The following UNC13A variants were observed in gnomAD, a reference collection of about 807,000 sequenced individuals.
The protein encoded by UNC13A is unc-13 homolog A.
In UNC13A, 61 loss-of-function variants were observed where a neutral mutation model predicts 219.7. The ratio of observed to expected loss-of-function variants is 0.28; its 90% CI spans 0.23 to 0.34. UNC13A has a LOEUF of 0.34. Ranked by LOEUF, UNC13A falls within the 10% of genes least tolerant of loss-of-function variation. The probability of loss-of-function intolerance (pLI) is 1.00; values close to 1 mark genes in which losing one functional copy is unlikely to be tolerated. For missense variants in UNC13A, 1,476 were observed against 2,270.3 expected (o/e 0.65, Z 7.11); for synonymous variants, 920 against 884.6 (o/e 1.04, Z -0.71).
At position 17,674,870 on chromosome 19, in the gene UNC13A, C is replaced by T. The variant is rs2079866856; in HGVS notation, c.53-114G>A. Reference sequence around the variant, plus strand: ...TCAGGAATTTCTGGGCCACTCACCCCCTAACCCACAACCCCACCCTCAGGG... The same window carrying T: ...TCAGGAATTTCTGGGCCACTCACCCTCTAACCCACAACCCCACCCTCAGGG... On this transcript the variant is annotated intron_variant, in intron 2 of 43. Coordinates refer to ENST00000519716, the MANE Select transcript of UNC13A (RefSeq NM_001080421.3). The surrounding 1 kb of genome is among the most constrained non-coding windows in gnomAD (Gnocchi z 5.0). The T allele has an allele frequency of 8.2e-6, 7 of 854,158 alleles. No individual in the cohort carries two copies. Among genetic ancestry groups the T allele is most frequent in the Non-Finnish European group, 1.3e-5 (7 of 529,898 alleles). 52.9% of individuals were successfully genotyped at this position (854,158 alleles called of 1,614,324 possible).
At chr19:17,641,880 A>C (rs12608932) in intron 20 of UNC13A, among the ~76,000 whole-genome samples, 55,290 of 151,542 alleles carry the variant, frequency 0.36, 10,546 homozygotes, top group East Asian at 0.69. Context: ...AATTTATCCA[A>C]CCATCCATTT....
chr19:17,661,961 G>T (rs913383362), intron 8 of UNC13A, among the ~76,000 whole-genome samples: 1 of 152,016 alleles, frequency 6.6e-6, no homozygotes, highest in African/African-American at 2.4e-5. Context: ...CTCATAGAAG[G>T]CCGGGCGCAG....
intron 8 of UNC13A, among the ~76,000 whole-genome samples, chr19:17,661,994 C>T (rs1250425450): frequency 6.6e-6 from 1 of 152,244 alleles, no homozygotes; most frequent in Middle Eastern, 3.4e-3. Flanking sequence ...GTAATCCCAG[C>T]CCTTTGGGAG....
chr19:17,631,181 T>C lies in UNC13A; in HGVS notation c.3429-431A>G, dbSNP rs187935255. On this transcript the variant is annotated intron_variant, in intron 28 of 43. Coordinates refer to ENST00000519716, the MANE Select transcript of UNC13A (RefSeq NM_001080421.3). ...TCCCTCCCTCCCTCCCTCCCTCCTT[T>C]CCTTCCTTCCCTCCCTCCCTCCCTT... is the stretch of plus-strand genomic sequence containing the variant. 6.8e-3 allele frequency among the ~76,000 whole-genome samples: 76 copies of C among 11,240 alleles called. 1 individual carries two copies. The highest frequency in any genetic ancestry group is 9.6e-3 in the Non-Finnish European group (43 of 4,478). The allele number at this position is 11,240 out of a possible 152,430, so 7.4% of individuals were successfully genotyped here. A position where few individuals can be genotyped will look rare whatever the true frequency, so the allele number is the denominator to read the frequency against.
chr19:17,612,702 G>A (rs2076617329), intron 41 of UNC13A, among the ~76,000 whole-genome samples: 1 of 152,100 alleles, frequency 6.6e-6, no homozygotes, highest in Non-Finnish European at 1.5e-5. Context: ...AAAATTAGTG[G>A]CCATGGTGGG....
Position 17,605,911 on chromosome 19 carries a change from G to T in UNC13A, c.*143C>A. ...CTAATTCCCCAAAAGGGAAAGCTGAGTCAAGGGCGTAGGCGCAGCCCACCC... is the reference window on the plus strand; with the variant it reads ...CTAATTCCCCAAAAGGGAAAGCTGATTCAAGGGCGTAGGCGCAGCCCACCC... On this transcript the variant is annotated 3_prime_UTR_variant, in exon 44 of 44. Coordinates refer to ENST00000519716, the MANE Select transcript of UNC13A (RefSeq NM_001080421.3). 1.3e-6 allele frequency: 1 copy of T among 764,284 alleles called. No homozygotes were observed. The highest frequency in any genetic ancestry group is 1.9e-6 in the Non-Finnish European group (1 of 533,414). The allele number at this position is 764,284 out of a possible 1,614,324, so 47.3% of individuals were successfully genotyped here.
Position 17,627,701 on chromosome 19 carries a change from G to T in UNC13A, c.3832-104C>A. On this transcript the variant is annotated intron_variant, in intron 32 of 43. Transcript: ENST00000519716. This position sits in a 1 kb window ranked among gnomAD's most constrained non-coding sequence, Gnocchi z 4.7. ...AAAGGGATCCCAAGGGGCTGCAGGG[G>T]AAACTGAGGCACAGACCGTTATGCT... 1 of 1,257,472 alleles carries T rather than the reference G, an allele frequency of 8.0e-7. No individual in the cohort carries two copies. Among genetic ancestry groups the T allele is most frequent in the Non-Finnish European group, 1.1e-6 (1 of 887,590 alleles). 77.9% of individuals were successfully genotyped at this position (1,257,472 alleles called of 1,614,324 possible).
At chr19:17,652,224 C>T (rs750939316) in intron 12 of UNC13A, among the ~76,000 whole-genome samples, 13 of 152,116 alleles carry the variant, frequency 8.5e-5, no homozygotes, top group East Asian at 1.9e-4. Context: ...CTCTGCCTCT[C>T]GGGTTCAAGT....
intron 36 of UNC13A, chr19:17,623,284 T>C (rs959355343): frequency 1.8e-4 from 83 of 451,674 alleles, no homozygotes; most frequent in Admixed American, 9.5e-4. Flanking sequence ...GGAGCTGGGC[T>C]TGGGGTTTGG....
intron 8 of UNC13A, among the ~76,000 whole-genome samples, chr19:17,659,522 C>A (rs1347354815): frequency 6.6e-6 from 1 of 152,140 alleles, no homozygotes; most frequent in Admixed American, 6.5e-5. Context: ...AATCCCAGCA[C>A]TTTGGGAGGC....
intron 38 of UNC13A, among the ~76,000 whole-genome samples, chr19:17,620,111 C>T (rs1278532077): frequency 6.6e-6 from 1 of 152,138 alleles, no homozygotes; most frequent in East Asian, 1.9e-4. Flanking sequence ...CCAGGCTTGT[C>T]CCTGAATGCT....
chr19:17,683,207 G>C (rs2080050813), intron 1 of UNC13A, among the ~76,000 whole-genome samples: 1 of 152,128 alleles, frequency 6.6e-6, no homozygotes, highest in East Asian at 1.9e-4. Flanking sequence ...GAGTCAGTCA[G>C]CTCCACCTCT....
intron 41 of UNC13A, among the ~76,000 whole-genome samples, chr19:17,616,972 A>G (rs1366209642): frequency 6.6e-6 from 1 of 152,178 alleles, no homozygotes; most frequent in Non-Finnish European, 1.5e-5. Flanking sequence ...AGAGAGGGAC[A>G]GGAGACCGAA....
chr19:17,623,270 A>G (rs1028093040), intron 36 of UNC13A: 8 of 440,786 alleles, frequency 1.8e-5, no homozygotes, highest in Non-Finnish European at 2.8e-5. Context: ...TCCGCTGCGA[A>G]GGAGGAGCTG....
chr19:17,614,428 A>T (rs1157295033), intron 41 of UNC13A: 2 of 152,154 alleles, frequency 1.3e-5, no homozygotes, highest in Admixed American at 6.6e-5. Context: ...GGGATCACTG[A>T]TGGGGCAGCT....
chr19:17,638,987 C>T (rs2076939629), intron 25 of UNC13A, 96 bp downstream of exon 25: 1 of 1,389,038 alleles, frequency 7.2e-7, no homozygotes, highest in East Asian at 2.5e-5. Context: ...TACTGAGGTT[C>T]AGAAGAGTTA....
rs186865102 is a variant in UNC13A at position 17,676,186 on chromosome 19, A to G, written c.23-145T>C. ...GAGAGACAGGCAAAGATAAAAAGCAAAAGAGACAGATGTTAAAAAAGAAAG... is the reference window on the plus strand; with the variant it reads ...GAGAGACAGGCAAAGATAAAAAGCAGAAGAGACAGATGTTAAAAAAGAAAG... On this transcript the variant is annotated intron_variant, in intron 1 of 43. Transcript: ENST00000519716. The G allele has an allele frequency of 9.9e-5, 86 of 869,112 alleles. No individual in the cohort carries two copies. In the East Asian group the frequency reaches 2.2e-3, roughly 22 times the overall value. 53.8% of individuals were successfully genotyped at this position (869,112 alleles called of 1,614,324 possible).
intron 8 of UNC13A, among the ~76,000 whole-genome samples, chr19:17,660,404 T>C (rs1369271341): frequency 6.6e-6 from 1 of 152,210 alleles, no homozygotes. Context: ...TGCCTGCTTC[T>C]GGCTATTTTC....
At chr19:17,626,300 C>CTA (rs2076783273) in intron 34 of UNC13A, 1 of 233,360 alleles carries the variant, frequency 4.3e-6, no homozygotes, top group Non-Finnish European at 8.4e-6. Context: ...ATTTACCCAA[C>CTA]TATCCACCCA....
Sources: allele counts gnomAD v4.1 joint callset (sites outside exome capture counted in the v4.1 genomes callset), GRCh38; gene constraint gnomAD v4.1.1; non-coding constraint Gnocchi (gnomAD v3.1); transcripts MANE v1.5; gene names NCBI Gene and HGNC (gene_info 2026-07-23, HGNC 2026-07-21).